COL18A1: variants seen among roughly 807,000 people sequenced by gnomAD.
COL18A1 encodes the protein collagen type XVIII alpha 1 chain.
In COL18A1, 133 loss-of-function variants were observed where a neutral mutation model predicts 168.0. The observed-to-expected ratio is 0.79, with a 90% CI of 0.69 to 0.91. The LOEUF (loss-of-function observed/expected upper bound fraction) is 0.91, where lower values mean the gene tolerates loss of function less well. Ranked by LOEUF, COL18A1 falls within the 40% of genes least tolerant of loss-of-function variation. The pLI, the probability that COL18A1 is intolerant of heterozygous loss-of-function variation, is 0.00. For synonymous variants in COL18A1, 949 were observed against 809.0 expected (o/e 1.17, Z -2.94); for missense variants, 2,126 against 1,925.4 (o/e 1.10, Z -1.95).
chr21:45,463,518 T>G lies in COL18A1; in HGVS notation c.107-4724T>G, dbSNP rs992322926. 6.6e-6 allele frequency among the ~76,000 whole-genome samples: 1 copy of G among 152,220 alleles called. No homozygotes were observed. Among genetic ancestry groups the G allele is most frequent in the Non-Finnish European group, 1.5e-5 (1 of 68,040 alleles). On this transcript the variant is annotated intron_variant, in intron 2 of 41. Transcript: ENST00000651438. This position sits in a 1 kb window ranked among gnomAD's most constrained non-coding sequence, Gnocchi z 4.0. ...TTCTGCCCATGCACTTGTTAATTAGTTGGGGAGATGGATTCCTGGCGCTTT... is the reference window on the plus strand; with the variant it reads ...TTCTGCCCATGCACTTGTTAATTAGGTGGGGAGATGGATTCCTGGCGCTTT...
chr21:45,470,935 C>T (rs1039049484), intron 3 of COL18A1, among the ~76,000 whole-genome samples: 5 of 149,286 alleles, frequency 3.3e-5, no homozygotes, highest in Admixed American at 1.3e-4. Flanking sequence ...CCCTGCTGGG[C>T]GTGGGTGGCG....
chr21:45,495,232 T>C (rs911422139), intron 28 of COL18A1, 126 bp from the exon 29 acceptor site: 5 of 796,032 alleles, frequency 6.3e-6, no homozygotes, highest in Non-Finnish European at 1.1e-5. Flanking sequence ...GCCTGAGAGC[T>C]GGGAACGTGT....
chr21:45,498,508 C>T lies in COL18A1; in HGVS notation c.2683+847C>T. On this transcript the variant is annotated intron_variant, in intron 32 of 41. Coordinates refer to ENST00000651438, the MANE Select transcript of COL18A1 (RefSeq NM_001379500.1). This position sits in a 1 kb window ranked among gnomAD's most constrained non-coding sequence, Gnocchi z 4.5. ...AGGGTCCCCTCTCGCTGCCAGGGTC[C>T]TCTGCAGAGGAGGCCGCCATACCTG... 2 of 716,182 alleles carry T rather than the reference C, an allele frequency of 2.8e-6. No individual in the cohort carries two copies. The highest frequency in any genetic ancestry group is 5.2e-6 in the Non-Finnish European group (2 of 385,012). The allele number at this position is 716,182 out of a possible 1,614,324, so 44.4% of individuals were successfully genotyped here.
At chr21:45,454,483 A>T (rs1000439462) in intron 2 of COL18A1, among the ~76,000 whole-genome samples, 7 of 151,960 alleles carry the variant, frequency 4.6e-5, no homozygotes, top group South Asian at 2.1e-4. Flanking sequence ...GTGGGGTGAA[A>T]CCTGGGTGTG....
At chr21:45,409,078 C>G (rs2033210142) in intron 2 of COL18A1, among the ~76,000 whole-genome samples, 1 of 74,954 alleles carries the variant, frequency 1.3e-5, no homozygotes, top group Non-Finnish European at 2.6e-5. Context: ...GCCCTCACCC[C>G]ACCCCCGGCA....
intron 2 of COL18A1, among the ~76,000 whole-genome samples, chr21:45,454,277 C>T (rs1312586192): frequency 6.6e-6 from 1 of 152,140 alleles, no homozygotes; most frequent in Non-Finnish European, 1.5e-5. Context: ...CGACCGATGG[C>T]TACAGCATGT....
intron 2 of COL18A1, among the ~76,000 whole-genome samples, chr21:45,461,193 G>A (rs1314703200): frequency 6.6e-6 from 1 of 151,926 alleles, no homozygotes; most frequent in African/African-American, 2.4e-5. Context: ...TGTACCCTTC[G>A]ACCAACAGTC....
At chr21:45,447,731 C>T (rs1208429457) in intron 2 of COL18A1, among the ~76,000 whole-genome samples, 2 of 152,136 alleles carry the variant, frequency 1.3e-5, no homozygotes, top group African/African-American at 4.8e-5. Context: ...TCTCGAACTT[C>T]TTAGAGTCTT....
intron 2 of COL18A1, among the ~76,000 whole-genome samples, chr21:45,452,812 A>G (rs900482845): frequency 1.7e-4 from 26 of 151,824 alleles, no homozygotes; most frequent in African/African-American, 2.2e-4. Context: ...GTGATTGTGT[A>G]TGCATGTGAG....
At position 45,473,940 on chromosome 21, in the gene COL18A1, C is replaced by T; in HGVS notation, c.697C>T (p.Pro233Ser). Residue 233 changes from proline to serine, a missense_variant, in exon 4 of 42, where the codon CCC (proline) becomes TCC (serine). By Grantham distance (74) the Pro-to-Ser change is moderately conservative (BLOSUM62 -1). Coordinates refer to ENST00000651438, the MANE Select transcript of COL18A1 (RefSeq NM_001379500.1). This position sits in a 1 kb window ranked among gnomAD's most constrained non-coding sequence, Gnocchi z 4.0. ...LKVRRDPQVS[P>S]MHCLDEEGDD... ...GGTGCGCAGGGACCCCCAGGTGAGCCCCATGCACTGCCTGGACGAGGAAGG... is the reference window on the plus strand; with the variant it reads ...GGTGCGCAGGGACCCCCAGGTGAGCTCCATGCACTGCCTGGACGAGGAAGG... 3 of 1,605,852 alleles carry T rather than the reference C, an allele frequency of 1.9e-6. No individual in the cohort carries two copies. Among genetic ancestry groups the T allele is most frequent in the Non-Finnish European group, 2.6e-6 (3 of 1,176,430 alleles).
Position 45,463,714 on chromosome 21 carries a change from A to G in COL18A1, c.107-4528A>G, listed in dbSNP as rs1204066927. Among the ~76,000 whole-genome samples, 1 of 152,140 alleles carries G rather than the reference A, an allele frequency of 6.6e-6. No homozygotes were observed. Among genetic ancestry groups the G allele is most frequent in the South Asian group, 2.1e-4 (1 of 4,824 alleles). Reference sequence around the variant, plus strand: ...GGAGTTGGAGACCAGCCTGACCAACACGGAGAAACCCCATCTCTACTAACA... The same window carrying G: ...GGAGTTGGAGACCAGCCTGACCAACGCGGAGAAACCCCATCTCTACTAACA... On this transcript the variant is annotated intron_variant, in intron 2 of 41. Coordinates refer to ENST00000651438, the MANE Select transcript of COL18A1 (RefSeq NM_001379500.1). The surrounding 1 kb of genome is among the most constrained non-coding windows in gnomAD (Gnocchi z 4.0).
Position 45,505,238 on chromosome 21 carries a change from C to CCCCCCCGGG in COL18A1, c.2978_2979insCGGGCCCCC (p.Gly994_Pro996dup). ...GCCAGGGCCCTCCCGGCCCCCCAGGCCCCCCAGGGCCCCCTTCATTTCCTG... is the reference window on the plus strand; with the variant it reads ...GCCAGGGCCCTCCCGGCCCCCCAGGCCCCCCCGGGCCCCCAGGGCCCCCTTCATTTCCTG... On this transcript the variant is annotated inframe_insertion, in exon 35 of 42. Coordinates refer to ENST00000651438, the MANE Select transcript of COL18A1 (RefSeq NM_001379500.1). 3.8e-6 allele frequency: 6 copies of CCCCCCCGGG among 1,598,612 alleles called. No homozygotes were observed. Among genetic ancestry groups the CCCCCCCGGG allele is most frequent in the Non-Finnish European group, 5.1e-6 (6 of 1,169,754 alleles).
At chr21:45,487,100 C>A in intron 16 of COL18A1, 108 bp downstream of exon 16, 2 of 1,075,032 alleles carry the variant, frequency 1.9e-6, no homozygotes, top group Non-Finnish European at 1.3e-6. Flanking sequence ...GGGCGGTGGC[C>A]TTGCTGGCAC....
At chr21:45,479,766 A>T in intron 9 of COL18A1, 136 bp from the exon 10 acceptor site, 1 of 1,285,110 alleles carries the variant, frequency 7.8e-7, no homozygotes, top group Non-Finnish European at 1.1e-6. Context: ...GCGCCCTCGT[A>T]CTTTCCGGGC....
intron 32 of COL18A1, among the ~76,000 whole-genome samples, chr21:45,502,143 G>C (rs1361377185): frequency 6.6e-6 from 1 of 152,202 alleles, no homozygotes; most frequent in Non-Finnish European, 1.5e-5. Flanking sequence ...AGCCCGAGAG[G>C]GAGCACGGGT....
At chr21:45,480,968 T>G (rs1458134031) in intron 13 of COL18A1, 110 bp downstream of exon 13, 7 of 1,439,450 alleles carry the variant, frequency 4.9e-6, no homozygotes, top group Non-Finnish European at 5.7e-6. Flanking sequence ...AGTCCCCGCC[T>G]CCTCACCTCA....
At chr21:45,501,894 A>C (rs372996335) in intron 32 of COL18A1, among the ~76,000 whole-genome samples, 17 of 112,972 alleles carry the variant, frequency 1.5e-4, no homozygotes, top group Middle Eastern at 8.8e-3. Flanking sequence ...CTCCCTCTGC[A>C]GAAGGACCCC....
At chr21:45,439,241 T>C (rs1305221531) in intron 2 of COL18A1, among the ~76,000 whole-genome samples, 1 of 152,242 alleles carries the variant, frequency 6.6e-6, no homozygotes, top group Non-Finnish European at 1.5e-5. Context: ...GGGCCTGCTC[T>C]TCCGCAGCAC....
intron 2 of COL18A1, among the ~76,000 whole-genome samples, chr21:45,436,943 GGGCCCT>G (rs1312775274): frequency 3.3e-5 from 5 of 151,736 alleles, no homozygotes; most frequent in African/African-American, 1.2e-4. Context: ...GGGCTGCGCG[GGGCCCT>G]GGCTGGGGAG....
Sources: allele counts gnomAD v4.1 joint callset (sites outside exome capture counted in the v4.1 genomes callset), GRCh38; gene constraint gnomAD v4.1.1; non-coding constraint Gnocchi (gnomAD v3.1); transcripts MANE v1.5; gene names NCBI Gene and HGNC (gene_info 2026-07-23, HGNC 2026-07-21).